Variants in CAPN15 observed in about 807,000 individuals in gnomAD.
The protein encoded by CAPN15 is calpain-15.
CAPN15 carries 53 observed loss-of-function variants against 97.9 expected under a neutral mutation model. The ratio of observed to expected loss-of-function variants is 0.54; its 90% CI spans 0.43 to 0.68. CAPN15 has a LOEUF of 0.68. Among genes scored for constraint, CAPN15 ranks in the 30% least tolerant of loss-of-function variants. The probability of loss-of-function intolerance (pLI) is 0.00; values close to 1 mark genes in which losing one functional copy is unlikely to be tolerated. For missense variants in CAPN15, 1,592 were observed against 1,589.8 expected (o/e 1.00, Z -0.02); for synonymous variants, 922 against 722.5 (o/e 1.28, Z -4.43).
chr16:551,912 C>T, intron 9 of CAPN15, 139 bp from the exon 10 acceptor site: 1 of 1,076,132 alleles, frequency 9.3e-7, no homozygotes, highest in South Asian at 1.4e-5. Flanking sequence ...GGATGGGCCC[C>T]CGGGGGCCGG....
chr16:551,801 C>A, intron 9 of CAPN15, 137 bp downstream of exon 9: 5 of 1,182,624 alleles, frequency 4.2e-6, no homozygotes, highest in Non-Finnish European at 6.1e-6. Flanking sequence ...CCTGGAGCTT[C>A]AGCTCCAAGG....
intron 2 of CAPN15, 63 bp downstream of exon 2, chr16:534,061 T>C: frequency 1.1e-6 from 1 of 879,332 alleles, no homozygotes; most frequent in Non-Finnish European, 1.4e-6. Context: ...GAACTGTTTG[T>C]GGAGCAGCAG....
rs560803761 is a variant in CAPN15 at position 543,572 on chromosome 16, G to A, written c.-22-3245G>A. 2.2e-3 allele frequency among the ~76,000 whole-genome samples: 328 copies of A among 152,256 alleles called. 1 individual carries two copies. The highest frequency in any genetic ancestry group is 6.5e-3 in the African/African-American group (270 of 41,532). ...GGCATCCCTGGGGCCACTCCTGCCCGTGCCCGCTGCTGTGGGGCCTGGGCT... is the reference window on the plus strand; with the variant it reads ...GGCATCCCTGGGGCCACTCCTGCCCATGCCCGCTGCTGTGGGGCCTGGGCT... On this transcript the variant is annotated intron_variant, in intron 3 of 13. Coordinates refer to ENST00000219611, the MANE Select transcript of CAPN15 (RefSeq NM_005632.3).
At chr16:532,840 G>A (rs921244359) in intron 1 of CAPN15, among the ~76,000 whole-genome samples, 2 of 149,688 alleles carry the variant, frequency 1.3e-5, no homozygotes, top group Non-Finnish European at 3.0e-5. Flanking sequence ...GCAACAGAGC[G>A]AGACTCTGTC....
At position 548,186 on chromosome 16, in the gene CAPN15, C is replaced by T; in HGVS notation, c.1348C>T (p.Pro450Ser). 6.5e-7 allele frequency: 1 copy of T among 1,535,104 alleles called. No homozygotes were observed. Among genetic ancestry groups the T allele is most frequent in the East Asian group, 2.5e-5 (1 of 40,552 alleles). The change falls in exon 4 of 14, where the codon CCC becomes TCC. Residue 450 changes from proline (P) to serine (S), a missense_variant. Pro to Ser is a moderately conservative substitution (Grantham distance 74). Around this residue, in one of 3 missense-constraint regions of CAPN15, gnomAD observed 883 missense variants for 776.6 expected, o/e 1.14. Transcript: ENST00000219611. The part of the protein sequence containing the change: ...LLVAQRRGAA[P>S]LRRRESMHVE... ...GGTGGCCCAGCGGCGGGGGGCCGCGCCCCTGAGGCGCAGGGAGAGCATGCA... is the reference window on the plus strand; with the variant it reads ...GGTGGCCCAGCGGCGGGGGGCCGCGTCCCTGAGGCGCAGGGAGAGCATGCA...
At chr16:528,404 G>T (rs2033007775) in intron 1 of CAPN15, among the ~76,000 whole-genome samples, 1 of 152,218 alleles carries the variant, frequency 6.6e-6, no homozygotes, top group Non-Finnish European at 1.5e-5. Context: ...CCCATCGTGC[G>T]GTCCTGGCCG....
intron 7 of CAPN15, 141 bp downstream of exon 7, chr16:549,979 G>T (rs2034874427): frequency 9.0e-6 from 6 of 664,910 alleles, no homozygotes; most frequent in Non-Finnish European, 1.5e-5. Context: ...GCGTGGCCAG[G>T]CCACAGCCCC....
chr16:541,700 T>TG (rs1203680722), intron 3 of CAPN15, among the ~76,000 whole-genome samples: 1 of 152,234 alleles, frequency 6.6e-6, no homozygotes, highest in East Asian at 1.9e-4. Context: ...AATCCAGCGT[T>TG]GCAGCATTCC....
chr16:552,428 T>C lies in CAPN15; in HGVS notation c.2635T>C (p.Phe879Leu). ...CCACAGTAAGCGCGCGGTCAAGAAG[T>C]TCGTCAGCTGCGACGTCATGCTGGA... ...LAHSKRAVKK[F>L]VSCDVMLEPG... Residue 879 changes from phenylalanine (F) to leucine (L), a missense_variant, in exon 11 of 14, where the codon TTC (phenylalanine) becomes CTC (leucine). Phe to Leu is a conservative substitution (Grantham distance 22). This residue lies in a region of CAPN15 where 644 missense variants were observed against 699.6 expected (regional missense o/e 0.92). Transcript: ENST00000219611. This position sits in a 1 kb window ranked among gnomAD's most constrained non-coding sequence, Gnocchi z 6.4. 1 of 1,609,922 alleles carries C rather than the reference T, an allele frequency of 6.2e-7. No individual in the cohort carries two copies. The highest frequency in any genetic ancestry group is 8.5e-7 in the Non-Finnish European group (1 of 1,179,618).
chr16:543,099 G>A (rs2034260442), intron 3 of CAPN15, among the ~76,000 whole-genome samples: 1 of 152,052 alleles, frequency 6.6e-6, no homozygotes, highest in South Asian at 2.1e-4. Flanking sequence ...GCTGCAATGA[G>A]CTGCGATCGT....
At chr16:546,118 C>T (rs539038250) in intron 3 of CAPN15, among the ~76,000 whole-genome samples, 3 of 152,250 alleles carry the variant, frequency 2.0e-5, no homozygotes, top group African/African-American at 7.2e-5. Context: ...AGCTCAGAGC[C>T]CTCGCCACGC....
At chr16:529,607 C>T (rs1051229118) in intron 1 of CAPN15, among the ~76,000 whole-genome samples, 4 of 152,238 alleles carry the variant, frequency 2.6e-5, no homozygotes, top group Non-Finnish European at 4.4e-5. Flanking sequence ...GGGCCTGAGC[C>T]GCTCAGTGAA....
At chr16:538,291 A>G (rs2033870250) in intron 3 of CAPN15, 1 of 118,660 alleles carries the variant, frequency 8.4e-6, no homozygotes, top group African/African-American at 4.0e-5. Flanking sequence ...CTCACAGAGT[A>G]TTGTTTTTTT....
intron 3 of CAPN15, 27 bp from the exon 4 acceptor site, chr16:546,790 G>C (rs2034614265): frequency 4.5e-6 from 7 of 1,551,180 alleles, no homozygotes; most frequent in Non-Finnish European, 6.1e-6. Context: ...CTCACAGGGT[G>C]GCCCTGATGA....
chr16:550,826 TG>T (rs2034973419), intron 7 of CAPN15, among the ~76,000 whole-genome samples: 35 of 21,084 alleles, frequency 1.7e-3, no homozygotes, highest in Admixed American at 5.0e-3. Flanking sequence ...TCGGTGAGGG[TG>T]CCCCGTCGGT....
In CAPN15 at chr16:553,357, G is replaced by A. The variant is rs1268116112; in HGVS notation, c.3102G>A (p.Leu1034=). 1 of 1,550,840 alleles carries A rather than the reference G, an allele frequency of 6.4e-7. No individual in the cohort carries two copies. Among genetic ancestry groups the A allele is most frequent in the African/African-American group, 1.5e-5 (1 of 68,888 alleles). The change falls in exon 14 of 14, where the codon TTG becomes TTA. Residue 1034 remains leucine (L), a synonymous_variant. Transcript: ENST00000219611. ...PPLHRQVLVI[L]SQLEGNAGFS... ...CCCCCAGGCAGGTCCTGGTGATCTT[G>A]TCCCAGCTAGAGGGCAACGCCGGCT...
At position 551,617 on chromosome 16, in the gene CAPN15, C is replaced by T. The variant is rs148632990; in HGVS notation, c.2298C>T (p.His766=). The T allele has an allele frequency of 3.5e-4, 558 of 1,606,448 alleles. 3 individuals carry two copies. The highest frequency in any genetic ancestry group is 4.5e-4 in the East Asian group (20 of 44,764). Residue 766 remains histidine, a synonymous_variant, in exon 9 of 14, where the codon CAC becomes CAT. Coordinates refer to ENST00000219611, the MANE Select transcript of CAPN15 (RefSeq NM_005632.3). ...PGHLRGELMP[H]GSSEGVFWME... ...ACCTGCGTGGCGAGCTCATGCCGCA[C>T]GGCAGCAGTGAGGGTGTCTTCTGGA...
intron 3 of CAPN15, chr16:539,353 T>C (rs1596330242): frequency 6.6e-6 from 1 of 152,282 alleles, no homozygotes; most frequent in African/African-American, 2.4e-5. Context: ...TATCGGACTC[T>C]GGGGAGAGCA....
chr16:531,619 G>C (rs1266034989), intron 1 of CAPN15, among the ~76,000 whole-genome samples: 1 of 144,504 alleles, frequency 6.9e-6, no homozygotes, highest in Non-Finnish European at 1.5e-5. Context: ...TCCTTCTCTG[G>C]GGTGACAGGT....
Sources: gnomAD v4.1 joint callset for allele counts (sites outside exome capture counted in the v4.1 genomes callset) on GRCh38, gnomAD v4.1.1 for gene constraint, gnomAD v4.1.1 regional missense constraint, Gnocchi (gnomAD v3.1) non-coding constraint, MANE v1.5 for transcripts, NCBI Gene and HGNC (gene_info 2026-07-23, HGNC 2026-07-21) for gene names.